FHIT: variants seen among roughly 807,000 people sequenced by gnomAD.
The protein encoded by FHIT is fragile histidine triad diadenosine triphosphatase, also known as bis(5'-adenosyl)-triphosphatase.
Under a neutral mutation model 17.9 loss-of-function variants are expected in FHIT, and 19 were observed. The observed-to-expected ratio is 1.06, with a 90% CI of 0.74 to 1.56. The LOEUF is 1.56. FHIT is among the 40% of genes most tolerant of loss of function. The probability of loss-of-function intolerance (pLI) is 0.00; values close to 1 mark genes in which losing one functional copy is unlikely to be tolerated. For synonymous variants in FHIT, 81 were observed against 69.7 expected, an observed-to-expected ratio of 1.16 and a Z score of -0.81; for missense variants, 248 against 189.2, an observed-to-expected ratio of 1.31 and a Z score of -1.82.
chr3:59,766,364 G>T (rs1399845463), intron 8 of FHIT, among the ~76,000 whole-genome samples: 3 of 152,196 alleles, frequency 2.0e-5, no homozygotes, highest in African/African-American at 7.2e-5. Flanking sequence ...TTGCAACATA[G>T]TAGCATTTGC....
At chr3:61,037,061 G>A (rs377376879) in intron 3 of FHIT, among the ~76,000 whole-genome samples, 2 of 152,008 alleles carry the variant, frequency 1.3e-5, no homozygotes, top group South Asian at 2.1e-4. Flanking sequence ...ACAGGCACCC[G>A]CCACTGCACC....
chr3:60,140,423 A>C (rs964531871), intron 5 of FHIT, among the ~76,000 whole-genome samples: 5 of 152,070 alleles, frequency 3.3e-5, no homozygotes, highest in African/African-American at 9.7e-5. Flanking sequence ...GCAACTTGGC[A>C]GTGAGGGGGA....
At chr3:60,512,927 G>C (rs556133772) in intron 5 of FHIT, among the ~76,000 whole-genome samples, 1 of 152,260 alleles carries the variant, frequency 6.6e-6, no homozygotes, top group East Asian at 1.9e-4. Flanking sequence ...AAGCAATTTA[G>C]GAACCTTGAC....
At chr3:60,938,651 G>A (rs73836061) in intron 3 of FHIT, among the ~76,000 whole-genome samples, 55 of 152,272 alleles carry the variant, frequency 3.6e-4, no homozygotes, top group Non-Finnish European at 6.9e-4. Context: ...GTTAAACAGC[G>A]TCAGGGGAGA....
intron 8 of FHIT, among the ~76,000 whole-genome samples, chr3:59,898,875 T>C (rs1370286267): frequency 6.6e-6 from 1 of 152,200 alleles, no homozygotes. Context: ...TGCCAGGTAT[T>C]ATACTAGGCA....
intron 4 of FHIT, among the ~76,000 whole-genome samples, chr3:60,538,868 G>T (rs1042505472): frequency 2.2e-4 from 34 of 151,990 alleles, no homozygotes; most frequent in Non-Finnish European, 4.3e-4. Flanking sequence ...TACCATTCAG[G>T]ACATAGGCAT....
intron 5 of FHIT, among the ~76,000 whole-genome samples, chr3:60,201,271 G>A (rs1028628662): frequency 3.3e-5 from 5 of 152,026 alleles, no homozygotes; most frequent in African/African-American, 7.2e-5. Flanking sequence ...CCAAATGATC[G>A]TCTATGGTAG....
chr3:59,756,396 C>T (rs1032684362), intron 8 of FHIT, among the ~76,000 whole-genome samples: 1 of 152,232 alleles, frequency 6.6e-6, no homozygotes, highest in Middle Eastern at 3.4e-3. Context: ...CGAGGCTTCT[C>T]ATGGTAAAAG....
chr3:60,295,806 T>C (rs904386632), intron 5 of FHIT, among the ~76,000 whole-genome samples: 4 of 152,132 alleles, frequency 2.6e-5, no homozygotes, highest in African/African-American at 4.8e-5. Context: ...AGGATAGCTT[T>C]TCCAACAAAT....
intron 2 of FHIT, among the ~76,000 whole-genome samples, chr3:61,092,056 C>G (rs1334223525): frequency 6.7e-6 from 1 of 149,358 alleles, no homozygotes; most frequent in Admixed American, 6.7e-5. Context: ...CATTTTCCAT[C>G]CTTGGGTCAA....
intron 5 of FHIT, among the ~76,000 whole-genome samples, chr3:60,418,419 TATATATAC>T (rs1392493701): frequency 0.13 from 5,810 of 43,560 alleles, 720 homozygotes; most frequent in South Asian, 0.21. Flanking sequence ...TATATATATA[TATATATAC>T]GTGTATACAC....
chr3:59,953,595 C>A (rs1707237518), intron 7 of FHIT, among the ~76,000 whole-genome samples: 1 of 152,106 alleles, frequency 6.6e-6, no homozygotes, highest in Admixed American at 6.5e-5. Context: ...TAGGAATCTC[C>A]AACATATACA....
intron 5 of FHIT, among the ~76,000 whole-genome samples, chr3:60,272,732 C>G (rs213342): frequency 0.73 from 111,606 of 152,118 alleles, 41,092 homozygotes; most frequent in East Asian, 0.94. Context: ...GAGGGAAGTG[C>G]ATCTACAAAT....
At chr3:60,809,514 T>A (rs899413315) in intron 4 of FHIT, among the ~76,000 whole-genome samples, 1 of 152,188 alleles carries the variant, frequency 6.6e-6, no homozygotes, top group Non-Finnish European at 1.5e-5. Context: ...AACCTTGCCC[T>A]CAATTTACTG....
chr3:60,154,257 G>C (rs754509460), intron 5 of FHIT, among the ~76,000 whole-genome samples: 2 of 151,826 alleles, frequency 1.3e-5, no homozygotes, highest in Non-Finnish European at 2.9e-5. Context: ...GCATATATGA[G>C]TCAATAAGCA....
At chr3:59,914,675 T>G (rs1046710985) in intron 8 of FHIT, among the ~76,000 whole-genome samples, 23 of 152,234 alleles carry the variant, frequency 1.5e-4, no homozygotes, top group African/African-American at 4.3e-4. Flanking sequence ...AAAAGAGAGA[T>G]AAAGTTAAAT....
intron 3 of FHIT, among the ~76,000 whole-genome samples, chr3:60,942,477 T>A (rs1216397349): frequency 6.6e-6 from 1 of 152,150 alleles, no homozygotes; most frequent in Non-Finnish European, 1.5e-5. Context: ...AAAGAAGTTA[T>A]TCATGGTATA....
At chr3:60,629,681 G>A (rs574205265) in intron 4 of FHIT, among the ~76,000 whole-genome samples, 17 of 152,138 alleles carry the variant, frequency 1.1e-4, no homozygotes, top group Non-Finnish European at 2.2e-4. Flanking sequence ...CTGAGTAGCC[G>A]TCACTGGCCA....
intron 7 of FHIT, among the ~76,000 whole-genome samples, chr3:59,952,952 T>A (rs571294186): frequency 6.6e-6 from 1 of 152,084 alleles, no homozygotes; most frequent in East Asian, 1.9e-4. Flanking sequence ...AATCTAAATC[T>A]AGGGGTTCAC....
Sources: gnomAD v4.1 joint callset for allele counts (sites outside exome capture counted in the v4.1 genomes callset) on GRCh38, gnomAD v4.1.1 for gene constraint, MANE v1.5 for transcripts, NCBI Gene and HGNC (gene_info 2026-07-23, HGNC 2026-07-21) for gene names.